The following TNFAIP8 variants were observed in gnomAD, a reference collection of about 807,000 sequenced individuals.
TNFAIP8 encodes tumor necrosis factor alpha-induced protein 8.
In TNFAIP8, 7 loss-of-function variants were observed where a neutral mutation model predicts 13.3. That is an observed-to-expected ratio of 0.52 (90% CI 0.30 to 0.99). The LOEUF is 0.99. TNFAIP8 is among the 50% of genes least tolerant of loss of function. TNFAIP8 has a pLI of 0.07. For synonymous variants in TNFAIP8, 94 were observed against 87.6 expected, an observed-to-expected ratio of 1.07 and a Z score of -0.41; for missense variants, 258 against 236.9, an observed-to-expected ratio of 1.09 and a Z score of -0.58.
intron 1 of TNFAIP8, among the ~76,000 whole-genome samples, chr5:119,342,644 C>T (rs1021905742): frequency 6.6e-6 from 1 of 152,236 alleles, no homozygotes; most frequent in Admixed American, 6.5e-5. Context: ...CAACCTCTTG[C>T]AATTTGGCTG....
intron 1 of TNFAIP8, among the ~76,000 whole-genome samples, chr5:119,311,107 C>T (rs67136651): frequency 0.065 from 9,869 of 152,184 alleles, 765 homozygotes; most frequent in African/African-American, 0.18. Flanking sequence ...ACTGCAGCCT[C>T]AACCTCCTGG....
chr5:119,292,797 CA>C (rs1749040327), intron 1 of TNFAIP8, among the ~76,000 whole-genome samples: 1 of 150,782 alleles, frequency 6.6e-6, no homozygotes, highest in Non-Finnish European at 1.5e-5. Flanking sequence ...AAACCAGATG[CA>C]AAAGGCTACA....
chr5:119,287,210 T>A (rs1748824804), intron 1 of TNFAIP8, among the ~76,000 whole-genome samples: 1 of 151,656 alleles, frequency 6.6e-6, no homozygotes, highest in African/African-American at 2.4e-5. Context: ...ATTCTATCAC[T>A]TACAGCATTC....
chr5:119,279,965 A>G (rs978714835), intron 1 of TNFAIP8, among the ~76,000 whole-genome samples: 1 of 152,200 alleles, frequency 6.6e-6, no homozygotes, highest in African/African-American at 2.4e-5. Flanking sequence ...TTTTCCACCT[A>G]GCACTGAGAG....
chr5:119,300,170 A>G (rs13162348), intron 1 of TNFAIP8, among the ~76,000 whole-genome samples: 33,738 of 152,172 alleles, frequency 0.22, 4,241 homozygotes, highest in East Asian at 0.41. Flanking sequence ...GGTACCTCAG[A>G]TGGAAATGCA....
chr5:119,355,555 T>C (rs1398408178), upstream of TNFAIP8: 1 of 580,822 alleles, frequency 1.7e-6, no homozygotes, highest in Non-Finnish European at 3.1e-6. Context: ...ATTTTTGGGT[T>C]GCAAGACTCC....
At chr5:119,336,118 G>A (rs1365018835) in intron 1 of TNFAIP8, among the ~76,000 whole-genome samples, 1 of 152,148 alleles carries the variant, frequency 6.6e-6, no homozygotes, top group Non-Finnish European at 1.5e-5. Flanking sequence ...TCAGAGAGGT[G>A]GTGAGGGGCT....
At chr5:119,289,783 C>A (rs1473441590) in intron 1 of TNFAIP8, among the ~76,000 whole-genome samples, 2 of 152,162 alleles carry the variant, frequency 1.3e-5, no homozygotes, top group East Asian at 3.8e-4. Flanking sequence ...GGAGAAAAGT[C>A]CGAGGTAGAA....
At chr5:119,270,317 C>T (rs897926055) in intron 1 of TNFAIP8, among the ~76,000 whole-genome samples, 7 of 152,234 alleles carry the variant, frequency 4.6e-5, no homozygotes, top group Non-Finnish European at 7.3e-5. Flanking sequence ...AAACATATGA[C>T]TCCATCTCTC....
rs1047431506 is a variant in TNFAIP8, at chr5:119,306,923, A to G, written c.1+38016A>G. Among the ~76,000 whole-genome samples, 4 of 152,306 alleles carry G rather than the reference A, an allele frequency of 2.6e-5. No individual in the cohort carries two copies. The East Asian group carries it at 5.8e-4, about 22-fold the overall frequency. On this transcript the variant is annotated intron_variant, in intron 1 of 1. Transcript: ENST00000274456. ...AAAAGTAGCTTCCCAGAAATTTCCT[A>G]TGCATATTAAGGCATGCACGTTTCA...
intron 1 of TNFAIP8, among the ~76,000 whole-genome samples, chr5:119,367,607 G>A (rs768086368): frequency 6.6e-6 from 1 of 152,162 alleles, no homozygotes; most frequent in Non-Finnish European, 1.5e-5. Flanking sequence ...AATGTTTGAT[G>A]TTGTTTTTTA....
intron 1 of TNFAIP8, among the ~76,000 whole-genome samples, chr5:119,377,838 T>C (rs1010611276): frequency 1.3e-5 from 2 of 152,126 alleles, no homozygotes; most frequent in African/African-American, 4.8e-5. Context: ...GACTACCCAG[T>C]AGGAGTTGTT....
At chr5:119,358,866 G>A (rs1467914581) in intron 1 of TNFAIP8, among the ~76,000 whole-genome samples, 1 of 152,128 alleles carries the variant, frequency 6.6e-6, no homozygotes, top group Non-Finnish European at 1.5e-5. Context: ...ATTGTTAAGG[G>A]GTGGGCGAGG....
chr5:119,385,493 C>T (rs944853684), intron 1 of TNFAIP8, among the ~76,000 whole-genome samples: 2 of 152,134 alleles, frequency 1.3e-5, no homozygotes, highest in Non-Finnish European at 1.5e-5. Flanking sequence ...GTAGTAGGCT[C>T]TCATTCTGTT....
intron 1 of TNFAIP8, among the ~76,000 whole-genome samples, chr5:119,302,718 C>T (rs530052763): frequency 6.6e-6 from 1 of 152,272 alleles, no homozygotes; most frequent in South Asian, 2.1e-4. Context: ...TCATAATTAA[C>T]ACTTAAAGCT....
chr5:119,347,212 T>G (rs1388187995), intron 1 of TNFAIP8, among the ~76,000 whole-genome samples: 2 of 152,172 alleles, frequency 1.3e-5, no homozygotes, highest in South Asian at 4.1e-4. Flanking sequence ...ATGCAGAGAC[T>G]AGAGGGAGAA....
intron 1 of TNFAIP8, among the ~76,000 whole-genome samples, chr5:119,348,445 A>T (rs562826262): frequency 1.3e-5 from 2 of 152,212 alleles, no homozygotes; most frequent in African/African-American, 2.4e-5. Flanking sequence ...TATACACAGG[A>T]ACTTTCTAAC....
At chr5:119,345,925 A>T (rs957166745) in intron 1 of TNFAIP8, among the ~76,000 whole-genome samples, 4 of 152,228 alleles carry the variant, frequency 2.6e-5, no homozygotes, top group African/African-American at 4.8e-5. Context: ...AGAAAAAGAG[A>T]AGTAGTTCAC....
Position 119,278,295 on chromosome 5 carries a change from C to G in TNFAIP8, c.1+9388C>G, listed in dbSNP as rs376655742. 1.9e-4 allele frequency among the ~76,000 whole-genome samples: 28 copies of G among 150,938 alleles called. 1 individual carries two copies. In the East Asian group the frequency reaches 5.3e-3, roughly 28 times the overall value. On this transcript the variant is annotated intron_variant, in intron 1 of 1. Coordinates refer to the TNFAIP8 transcript ENST00000274456. ...CTTGCCTCTTTGTGGGCGGAAATAG[C>G]TTTCTCAGCAACAGGTATCACAGGT... is the stretch of plus-strand genomic sequence containing the variant.
Sources: allele counts gnomAD v4.1 joint callset (sites outside exome capture counted in the v4.1 genomes callset), GRCh38; gene constraint gnomAD v4.1.1; transcripts MANE v1.5; gene names NCBI Gene and HGNC (gene_info 2026-07-23, HGNC 2026-07-21).